Variants in PTGFR observed in about 807,000 individuals in gnomAD.
PTGFR encodes the protein prostaglandin F2-alpha receptor.
PTGFR carries 15 observed loss-of-function variants against 26.2 expected under a neutral mutation model. The ratio of observed to expected loss-of-function variants is 0.57; its 90% CI spans 0.38 to 0.88. The LOEUF (loss-of-function observed/expected upper bound fraction) is 0.88. PTGFR is among the 40% of genes least tolerant of loss of function. The pLI, the probability that PTGFR is intolerant of heterozygous loss-of-function variation, is 0.00. For synonymous variants in PTGFR, 165 were observed against 151.1 expected (o/e 1.09, Z -0.68); for missense variants, 369 against 427.2 (o/e 0.86, Z 1.20).
intron 2 of PTGFR, among the ~76,000 whole-genome samples, chr1:78,533,267 T>C (rs1215628958): frequency 1.3e-5 from 2 of 152,226 alleles, no homozygotes; most frequent in African/African-American, 2.4e-5. Context: ...TTTTAGCTCC[T>C]GGTAACAGAA....
At chr1:78,503,782 C>T (rs1005135791) in intron 2 of PTGFR, among the ~76,000 whole-genome samples, 1 of 152,150 alleles carries the variant, frequency 6.6e-6, no homozygotes, top group Non-Finnish European at 1.5e-5. Flanking sequence ...CTTAGTAATA[C>T]TGAAGGAACC....
At chr1:78,507,319 A>C (rs1048817602) in intron 2 of PTGFR, among the ~76,000 whole-genome samples, 1 of 152,168 alleles carries the variant, frequency 6.6e-6, no homozygotes, top group Non-Finnish European at 1.5e-5. Context: ...GCTTTTGGCT[A>C]TTCTCCAGTG....
At chr1:78,493,989 T>A (rs759357539) in intron 2 of PTGFR, among the ~76,000 whole-genome samples, 3 of 152,220 alleles carry the variant, frequency 2.0e-5, no homozygotes, top group Non-Finnish European at 2.9e-5. Context: ...CAAAGGGTGG[T>A]GCTGAACTGA....
intron 2 of PTGFR, among the ~76,000 whole-genome samples, chr1:78,517,348 G>A (rs2100379938): frequency 6.6e-6 from 1 of 152,258 alleles, no homozygotes; most frequent in South Asian, 2.1e-4. Context: ...TTCTGAAGGT[G>A]GTGGTTGAAG....
At chr1:78,533,356 A>G (rs1156709476) in intron 2 of PTGFR, among the ~76,000 whole-genome samples, 1 of 152,192 alleles carries the variant, frequency 6.6e-6, no homozygotes, top group Non-Finnish European at 1.5e-5. Context: ...CACATACTTA[A>G]TAACATCCCT....
At chr1:78,524,050 T>C (rs989983573) in intron 2 of PTGFR, among the ~76,000 whole-genome samples, 4 of 152,134 alleles carry the variant, frequency 2.6e-5, no homozygotes, top group African/African-American at 9.7e-5. Flanking sequence ...TACAACAATG[T>C]GTGGTTTGCT....
chr1:78,524,025 G>C (rs1317169645), intron 2 of PTGFR, among the ~76,000 whole-genome samples: 3 of 152,116 alleles, frequency 2.0e-5, no homozygotes, highest in Non-Finnish European at 4.4e-5. Context: ...CAAAGGTCTA[G>C]TGCAACTTAC....
intron 2 of PTGFR, among the ~76,000 whole-genome samples, chr1:78,512,633 C>G (rs1650000798): frequency 6.6e-6 from 1 of 152,118 alleles, no homozygotes; most frequent in Admixed American, 6.5e-5. Context: ...GGTTTCTACC[C>G]CTATGACCTA....
At chr1:78,521,127 T>G (rs1650211885) in intron 2 of PTGFR, among the ~76,000 whole-genome samples, 1 of 152,108 alleles carries the variant, frequency 6.6e-6, no homozygotes, top group Non-Finnish European at 1.5e-5. Flanking sequence ...CAGCTGTGAC[T>G]TTTGCTCACT....
At chr1:78,492,355 T>G (rs1649423489) in intron 1 of PTGFR, among the ~76,000 whole-genome samples, 1 of 152,178 alleles carries the variant, frequency 6.6e-6, no homozygotes, top group Non-Finnish European at 1.5e-5. Context: ...AAATCTAATC[T>G]TGGTAGCGAT....
rs141293834 is a variant in PTGFR, at chr1:78,537,734, T to C, written c.*1047T>C. 1 of 152,264 alleles carries C rather than the reference T, an allele frequency of 6.6e-6. No homozygotes were observed. The highest frequency in any genetic ancestry group is 2.4e-5 in the African/African-American group (1 of 41,580). The allele number at this position is 152,264 out of a possible 1,614,324, so 9.4% of individuals were successfully genotyped here. On this transcript the variant is annotated 3_prime_UTR_variant, in exon 3 of 3. Coordinates refer to ENST00000370757, the MANE Select transcript of PTGFR (RefSeq NM_000959.4). ...TTCATTAAATTTGTAAGATGGCATA[T>C]TCTAAAGCCTGTGCTACCAGTACTA...
chr1:78,526,302 A>G (rs988094602), intron 2 of PTGFR, among the ~76,000 whole-genome samples: 1 of 152,044 alleles, frequency 6.6e-6, no homozygotes, highest in African/African-American at 2.4e-5. Flanking sequence ...ACACACTGAG[A>G]GCTGAGATTT....
At chr1:78,517,129 C>T (rs1279078359) in intron 2 of PTGFR, among the ~76,000 whole-genome samples, 1 of 152,110 alleles carries the variant, frequency 6.6e-6, no homozygotes, top group Non-Finnish European at 1.5e-5. Context: ...TATATGAAGG[C>T]ACTTCAAATA....
intron 2 of PTGFR, among the ~76,000 whole-genome samples, chr1:78,494,324 A>T (rs1649490526): frequency 6.6e-6 from 1 of 152,224 alleles, no homozygotes; most frequent in Non-Finnish European, 1.5e-5. Context: ...TTGCTTTATA[A>T]TGTAAGAAGT....
At position 78,491,190 on chromosome 1, in the gene PTGFR, C is replaced by A. The variant is rs375994218; in HGVS notation, c.-119C>A. 2.6e-5 allele frequency: 4 copies of A among 152,478 alleles called. No homozygotes were observed. In the East Asian group the frequency reaches 7.7e-4, roughly 29 times the overall value. The allele number at this position is 152,478 out of a possible 1,614,324, so 9.4% of individuals were successfully genotyped here. Reference sequence around the variant, plus strand: ...GGCGCCATGGCACACCGAGCGGCTCCGTCTTCTGCTCCTCAGAGAGCCCGG... The same window carrying A: ...GGCGCCATGGCACACCGAGCGGCTCAGTCTTCTGCTCCTCAGAGAGCCCGG... On this transcript the variant is annotated 5_prime_UTR_variant, in exon 1 of 3. Transcript: ENST00000370757.
At position 78,523,169 on chromosome 1, in the gene PTGFR, T is replaced by C. The variant is rs532137054; in HGVS notation, c.799-13237T>C. ...TATTTTTTCATTTTATAAACTACACTGAGATGAACAACTTGTAGGTTGTTG... is the reference window on the plus strand; with the variant it reads ...TATTTTTTCATTTTATAAACTACACCGAGATGAACAACTTGTAGGTTGTTG... On this transcript the variant is annotated intron_variant, in intron 2 of 2. Transcript: ENST00000370757. Among the ~76,000 whole-genome samples, 25 of 152,214 alleles carry C rather than the reference T, an allele frequency of 1.6e-4. No individual in the cohort carries two copies. The South Asian group carries it at 5.2e-3, about 32-fold the overall frequency.
rs1355654726 is a variant in PTGFR, at chr1:78,493,151, A to G, written c.408A>G (p.Gly136=). ...GSVMAIERCI[G]VTKPIFHSTK... ...TGATGGCCATTGAGCGGTGTATTGG[A>G]GTCACAAAACCAATATTTCATTCTA... is the stretch of plus-strand genomic sequence containing the variant. Residue 136 remains glycine, a synonymous_variant, in exon 2 of 3, where the codon GGA becomes GGG. Coordinates refer to ENST00000370757, the MANE Select transcript of PTGFR (RefSeq NM_000959.4). The G allele has an allele frequency of 6.2e-7, 1 of 1,614,226 alleles. No homozygotes were observed. The highest frequency in any genetic ancestry group is 8.5e-7 in the Non-Finnish European group (1 of 1,180,028).
At chr1:78,509,698 G>A (rs559939335) in intron 2 of PTGFR, among the ~76,000 whole-genome samples, 5 of 152,184 alleles carry the variant, frequency 3.3e-5, no homozygotes, top group Non-Finnish European at 5.9e-5. Flanking sequence ...AATTTCCATT[G>A]CATGCTATTG....
At chr1:78,491,408 C>G (rs1406977299) in intron 1 of PTGFR, among the ~76,000 whole-genome samples, 172 bp downstream of exon 1, 2 of 152,196 alleles carry the variant, frequency 1.3e-5, no homozygotes, top group Admixed American at 1.3e-4. Context: ...GAAGGGTACT[C>G]GAGCTAACCC....
Sources: allele counts gnomAD v4.1 joint callset (sites outside exome capture counted in the v4.1 genomes callset), GRCh38; gene constraint gnomAD v4.1.1; transcripts MANE v1.5; gene names NCBI Gene and HGNC (gene_info 2026-07-23, HGNC 2026-07-21).